SMYD3: variants seen among roughly 807,000 people sequenced by gnomAD.
SMYD3 encodes histone-lysine N-methyltransferase SMYD3.
In SMYD3, 36 loss-of-function variants were observed where a neutral mutation model predicts 57.7. That is an observed-to-expected ratio of 0.62 (90% CI 0.48 to 0.82). The LOEUF is 0.82. SMYD3 is among the 40% of genes least tolerant of loss of function. The pLI, the probability that SMYD3 is intolerant of heterozygous loss-of-function variation, is 0.00. For missense variants in SMYD3, 515 were observed against 538.8 expected (o/e 0.96, Z 0.44); for synonymous variants, 211 against 195.0 (o/e 1.08, Z -0.68).
intron 5 of SMYD3, among the ~76,000 whole-genome samples, chr1:246,047,332 AC>A (rs2059986798): frequency 6.6e-6 from 1 of 152,244 alleles, no homozygotes; most frequent in African/African-American, 2.4e-5. Context: ...ACCAGATAGC[AC>A]AGAAAAAAGC....
At chr1:245,918,920 C>T (rs1324979054) in intron 7 of SMYD3, among the ~76,000 whole-genome samples, 1 of 152,130 alleles carries the variant, frequency 6.6e-6, no homozygotes, top group African/African-American at 2.4e-5. Flanking sequence ...CAGGGCCTGT[C>T]ATGCCAGAAA....
chr1:246,114,965 T>A (rs1342115717), intron 5 of SMYD3, among the ~76,000 whole-genome samples: 1 of 152,182 alleles, frequency 6.6e-6, no homozygotes, highest in Non-Finnish European at 1.5e-5. Flanking sequence ...TTTCAGTAAA[T>A]TATTTACTTC....
chr1:246,416,806 C>G (rs1453378523), intron 1 of SMYD3, among the ~76,000 whole-genome samples: 1 of 152,112 alleles, frequency 6.6e-6, no homozygotes, highest in Non-Finnish European at 1.5e-5. Flanking sequence ...TCTCCTGTAT[C>G]TCTCCAACTC....
intron 5 of SMYD3, among the ~76,000 whole-genome samples, chr1:246,225,321 C>CAAAAAAAAAAAAAAAAAAAAAAAA (rs60915002): frequency 7.9e-5 from 6 of 76,304 alleles, no homozygotes; most frequent in African/African-American, 2.4e-4. Flanking sequence ...GCTGAAAAGT[C>CAAAAAAAAAAAAAAAAAAAAAAAA]AAAAAAAAAA....
At chr1:246,166,014 G>A (rs1270189448) in intron 5 of SMYD3, among the ~76,000 whole-genome samples, 1 of 151,968 alleles carries the variant, frequency 6.6e-6, no homozygotes, top group Non-Finnish European at 1.5e-5. Context: ...AGGTCAACAA[G>A]GGTCATCCTC....
intron 5 of SMYD3, among the ~76,000 whole-genome samples, chr1:246,137,992 TAC>T (rs2061688786): frequency 6.6e-6 from 1 of 152,164 alleles, no homozygotes; most frequent in South Asian, 2.1e-4. Flanking sequence ...CATCCCCCAT[TAC>T]ACACACAAAC....
chr1:246,327,527 A>G (rs940489968), intron 4 of SMYD3, among the ~76,000 whole-genome samples, 190 bp from the exon 5 acceptor site: 1 of 152,238 alleles, frequency 6.6e-6, no homozygotes, highest in African/African-American at 2.4e-5. Context: ...AAATTCTGCC[A>G]AATTTTGTCT....
intron 1 of SMYD3, among the ~76,000 whole-genome samples, chr1:246,367,816 G>A (rs1351830731): frequency 6.6e-6 from 1 of 152,102 alleles, no homozygotes; most frequent in Middle Eastern, 3.2e-3. Context: ...TTTCAAAGAT[G>A]AATATTAGCA....
intron 8 of SMYD3, among the ~76,000 whole-genome samples, chr1:245,866,089 C>T (rs1267026463): frequency 2.0e-5 from 3 of 152,136 alleles, no homozygotes; most frequent in Non-Finnish European, 2.9e-5. Context: ...ATAGAACGAC[C>T]CCATGAGAAC....
rs1183021858 is a variant in SMYD3, at chr1:246,125,093, C to A, written c.532-195156G>T. 7.7e-3 allele frequency among the ~76,000 whole-genome samples: 1,115 copies of A among 145,040 alleles called. 11 individuals are homozygous for A. The highest frequency in any genetic ancestry group is 0.026 in the African/African-American group (1,036 of 40,104). On this transcript the variant is annotated intron_variant, in intron 5 of 11. Coordinates refer to ENST00000490107, the MANE Select transcript of SMYD3 (RefSeq NM_001167740.2). ...TCTCAAAAAAAAAAAAAAAAACACA[C>A]ACACACACACACATCTGGAATTTCC...
chr1:246,136,710 T>C (rs960148278), intron 5 of SMYD3, among the ~76,000 whole-genome samples: 28 of 152,020 alleles, frequency 1.8e-4, no homozygotes, highest in East Asian at 5.8e-4. Context: ...TAGGAACCAA[T>C]GAACATACAA....
intron 1 of SMYD3, among the ~76,000 whole-genome samples, chr1:246,375,247 C>A (rs1170623397): frequency 6.7e-6 from 1 of 148,672 alleles, no homozygotes; most frequent in African/African-American, 2.5e-5. Context: ...TCAGTATTGG[C>A]TAATTCAGTT....
At chr1:245,905,353 C>T (rs1190730249) in intron 8 of SMYD3, among the ~76,000 whole-genome samples, 2 of 152,130 alleles carry the variant, frequency 1.3e-5, no homozygotes, top group African/African-American at 4.8e-5. Context: ...AGTCCTCTCC[C>T]CTGACTAGAG....
intron 5 of SMYD3, among the ~76,000 whole-genome samples, chr1:246,024,190 TC>T (rs1407885633): frequency 1.3e-5 from 2 of 152,210 alleles, no homozygotes; most frequent in East Asian, 3.9e-4. Flanking sequence ...CAAGAAATAT[TC>T]CAGGATACAG....
intron 5 of SMYD3, among the ~76,000 whole-genome samples, chr1:246,290,067 T>C (rs2064657449): frequency 6.6e-6 from 1 of 152,136 alleles, no homozygotes; most frequent in Non-Finnish European, 1.5e-5. Flanking sequence ...AAAGGAATCT[T>C]CAAATGATGT....
chr1:245,858,375 G>A lies in SMYD3; in HGVS notation c.1076+121C>T, dbSNP rs1047581122. 4 of 1,003,222 alleles carry A rather than the reference G, an allele frequency of 4.0e-6. No homozygotes were observed. In the African/African-American group the frequency reaches 4.9e-5, roughly 12 times the overall value. The allele number at this position is 1,003,222 out of a possible 1,614,324, so 62.1% of individuals were successfully genotyped here. On this transcript the variant is annotated intron_variant, in intron 10 of 11. Transcript: ENST00000490107. ...AAATAAGACTTGGTTTTAAACAATG[G>A]TTGAGAAGCAGCTGGAAATGCTCCA...
At chr1:245,990,190 G>A (rs1276417447) in intron 5 of SMYD3, among the ~76,000 whole-genome samples, 1 of 151,924 alleles carries the variant, frequency 6.6e-6, no homozygotes, top group Non-Finnish European at 1.5e-5. Context: ...CCGCCTCATC[G>A]TCCTGAGTAG....
At chr1:245,933,959 T>C (rs2056865025) in intron 5 of SMYD3, among the ~76,000 whole-genome samples, 1 of 152,086 alleles carries the variant, frequency 6.6e-6, no homozygotes, top group South Asian at 2.1e-4. Flanking sequence ...CTCCCCCAAT[T>C]ACTGAATTCT....
At chr1:246,352,644 G>C (rs2065849600) in intron 2 of SMYD3, among the ~76,000 whole-genome samples, 1 of 152,086 alleles carries the variant, frequency 6.6e-6, no homozygotes, top group Non-Finnish European at 1.5e-5. Flanking sequence ...ATATCTGACA[G>C]TGACATTGTT....
Sources: gnomAD v4.1 joint callset for allele counts (sites outside exome capture counted in the v4.1 genomes callset) on GRCh38, gnomAD v4.1.1 for gene constraint, MANE v1.5 for transcripts, NCBI Gene and HGNC (gene_info 2026-07-23, HGNC 2026-07-21) for gene names.